Variants in RCAN2 observed in about 807,000 individuals in gnomAD.
The protein encoded by RCAN2 is calcipressin-2.
RCAN2 carries 9 observed loss-of-function variants against 23.6 expected under a neutral mutation model. The ratio of observed to expected loss-of-function variants is 0.38; its 90% CI spans 0.23 to 0.67. RCAN2 has a LOEUF of 0.67. RCAN2 is among the 30% of genes least tolerant of loss of function. RCAN2 has a pLI of 0.51. For missense variants in RCAN2, 273 were observed against 302.3 expected, an observed-to-expected ratio of 0.90 and a Z score of 0.72; for synonymous variants, 109 against 115.7, an observed-to-expected ratio of 0.94 and a Z score of 0.37.
intron 2 of RCAN2, among the ~76,000 whole-genome samples, chr6:46,339,715 G>T (rs556777038): frequency 3.5e-4 from 53 of 152,224 alleles, no homozygotes; most frequent in African/African-American, 1.2e-3. Context: ...AATCCATTCT[G>T]CAAATAATAT....
intron 2 of RCAN2, among the ~76,000 whole-genome samples, chr6:46,415,727 T>C (rs1169514699): frequency 6.6e-6 from 1 of 151,988 alleles, no homozygotes; most frequent in African/African-American, 2.4e-5. Context: ...TAAACTAGGG[T>C]GATGCCCAGT....
At chr6:46,317,752 A>G (rs1763487121) in intron 2 of RCAN2, among the ~76,000 whole-genome samples, 1 of 152,222 alleles carries the variant, frequency 6.6e-6, no homozygotes, top group African/African-American at 2.4e-5. Context: ...GGCGTAAGGC[A>G]CCGCGCCCGG....
At chr6:46,333,450 C>A (rs933558901) in intron 2 of RCAN2, among the ~76,000 whole-genome samples, 10 of 152,186 alleles carry the variant, frequency 6.6e-5, no homozygotes, top group Admixed American at 3.9e-4. Context: ...TTGTTTCCAG[C>A]CTTTCGCTAT....
intron 1 of RCAN2, among the ~76,000 whole-genome samples, chr6:46,489,630 G>T (rs1417810151): frequency 6.6e-6 from 1 of 152,210 alleles, no homozygotes; most frequent in East Asian, 1.9e-4. Flanking sequence ...TCTGTTACAC[G>T]TTCATCACTG....
rs138769310 is a variant in RCAN2, at chr6:46,223,152, C to A, written c.721G>T (p.Val241Leu). Residue 241 changes from valine (V) to leucine (L), a missense_variant, in exon 5 of 5, where the codon GTG becomes TTG. By Grantham distance (32) the Val-to-Leu change is conservative. Coordinates refer to ENST00000371374, the MANE Select transcript of RCAN2 (RefSeq NM_001251974.2). ...AAGGAGCAGGCAGCTCAGTTGGACA[C>A]GGAGGGTGGCAGGCCAGGACGCCGA... ...QTRRPGLPPS[V>L]SN 1.3e-3 allele frequency: 2,022 copies of A among 1,613,176 alleles called. 2 individuals are homozygous for A. The highest frequency in any genetic ancestry group is 0.012 in the Middle Eastern group (64 of 5,524).
intron 2 of RCAN2, among the ~76,000 whole-genome samples, chr6:46,430,182 G>A (rs983438930): frequency 7.2e-5 from 11 of 152,200 alleles, no homozygotes; most frequent in African/African-American, 2.7e-4. Flanking sequence ...CCAAGACAGA[G>A]ACAACTGCAA....
intron 2 of RCAN2, among the ~76,000 whole-genome samples, chr6:46,375,647 C>T (rs962263250): frequency 6.6e-6 from 1 of 152,192 alleles, no homozygotes. Context: ...CAGGGATCAG[C>T]AAACTTTTGC....
chr6:46,403,784 A>C lies in RCAN2; in HGVS notation c.225+52968T>G, dbSNP rs114351631. 2.1e-3 allele frequency among the ~76,000 whole-genome samples: 314 copies of C among 152,306 alleles called. 2 individuals are homozygous for C. Among genetic ancestry groups the C allele is most frequent in the Non-Finnish European group, 3.7e-3 (253 of 68,026 alleles). On this transcript the variant is annotated intron_variant, in intron 2 of 4. Coordinates refer to ENST00000371374, the MANE Select transcript of RCAN2 (RefSeq NM_001251974.2). ...CTACACAAAGTGAGTTATTAATAGTAAAAAACGTTTTACAAAAAAAAGTTT... is the reference window on the plus strand; with the variant it reads ...CTACACAAAGTGAGTTATTAATAGTCAAAAACGTTTTACAAAAAAAAGTTT...
At chr6:46,354,876 T>G (rs1764774912) in intron 2 of RCAN2, among the ~76,000 whole-genome samples, 1 of 151,436 alleles carries the variant, frequency 6.6e-6, no homozygotes, top group Non-Finnish European at 1.5e-5. Context: ...CTGCAGAGAC[T>G]TCTCAGGAAA....
intron 1 of RCAN2, among the ~76,000 whole-genome samples, chr6:46,458,896 C>CGCGCGCGCGTGT (rs57335093): frequency 1.2e-4 from 18 of 150,134 alleles, no homozygotes; most frequent in South Asian, 6.4e-4. Context: ...CGCGCGCGCA[C>CGCGCGCGCGTGT]GTGTGTGTGT....
In RCAN2 at chr6:46,416,545, C is replaced by T. The variant is rs572100080; in HGVS notation, c.225+40207G>A. 1.9e-4 allele frequency among the ~76,000 whole-genome samples: 28 copies of T among 151,340 alleles called. No homozygotes were observed. The East Asian group carries it at 1.9e-3, about 10-fold the overall frequency. ...CTTTTCTTTTTTTCAGATAGTGTCT[C>T]GCTCTGTCACCCATGCTGGAGTATA... On this transcript the variant is annotated intron_variant, in intron 2 of 4. Coordinates refer to ENST00000371374, the MANE Select transcript of RCAN2 (RefSeq NM_001251974.2).
intron 1 of RCAN2, among the ~76,000 whole-genome samples, chr6:46,483,057 G>C (rs1445177725): frequency 6.6e-6 from 1 of 152,122 alleles, no homozygotes; most frequent in Non-Finnish European, 1.5e-5. Flanking sequence ...AGGAGCACAG[G>C]GGAAACCGCT....
intron 2 of RCAN2, among the ~76,000 whole-genome samples, chr6:46,267,283 T>C (rs1051092205): frequency 1.3e-5 from 2 of 152,182 alleles, no homozygotes; most frequent in African/African-American, 4.8e-5. Flanking sequence ...AAAATATACA[T>C]AAACATAAGG....
At chr6:46,403,896 G>C (rs1380317280) in intron 2 of RCAN2, among the ~76,000 whole-genome samples, 6 of 152,138 alleles carry the variant, frequency 3.9e-5, no homozygotes, top group African/African-American at 1.4e-4. Context: ...CCTCATTTGT[G>C]TCATAAGAGG....
chr6:46,324,021 A>G (rs2150363510), intron 2 of RCAN2, among the ~76,000 whole-genome samples: 1 of 152,364 alleles, frequency 6.6e-6, no homozygotes, highest in Middle Eastern at 3.4e-3. Context: ...ATTATGTTCC[A>G]GTGGTTACTG....
intron 2 of RCAN2, among the ~76,000 whole-genome samples, chr6:46,332,922 A>T (rs143578604): frequency 1.3e-5 from 2 of 152,142 alleles, no homozygotes; most frequent in African/African-American, 4.8e-5. Context: ...TACAGTTCCA[A>T]CAACAGTGTA....
chr6:46,394,944 T>C (rs1402190789), intron 2 of RCAN2, among the ~76,000 whole-genome samples: 1 of 152,110 alleles, frequency 6.6e-6, no homozygotes, highest in African/African-American at 2.4e-5. Context: ...ATGTACATTG[T>C]AAGAAAAAAA....
chr6:46,428,694 C>T (rs1420165333), intron 2 of RCAN2, among the ~76,000 whole-genome samples: 2 of 152,144 alleles, frequency 1.3e-5, no homozygotes, highest in East Asian at 1.9e-4. Context: ...CTTCCTGTAC[C>T]TTCTCTTCCC....
At chr6:46,375,193 C>T (rs755149137) in intron 2 of RCAN2, among the ~76,000 whole-genome samples, 1 of 152,208 alleles carries the variant, frequency 6.6e-6, no homozygotes, top group Non-Finnish European at 1.5e-5. Flanking sequence ...GATCTGCCTG[C>T]CTTGGCCTCC....
Sources: allele counts gnomAD v4.1 joint callset (sites outside exome capture counted in the v4.1 genomes callset), GRCh38; gene constraint gnomAD v4.1.1; transcripts MANE v1.5; gene names NCBI Gene and HGNC (gene_info 2026-07-23, HGNC 2026-07-21).